The following TNFAIP8 variants were observed in gnomAD, a reference collection of about 807,000 sequenced individuals.
TNFAIP8 encodes the protein TNF alpha induced protein 8.
In TNFAIP8, 7 loss-of-function variants were observed where a neutral mutation model predicts 13.3. The ratio of observed to expected loss-of-function variants is 0.52; its 90% CI spans 0.30 to 0.99. TNFAIP8 has a LOEUF of 0.99. Ranked by LOEUF, TNFAIP8 falls within the 50% of genes least tolerant of loss-of-function variation. The pLI, the probability that TNFAIP8 is intolerant of heterozygous loss-of-function variation, is 0.07. For synonymous variants in TNFAIP8, 94 were observed against 87.6 expected (o/e 1.07, Z -0.41); for missense variants, 258 against 236.9 (o/e 1.09, Z -0.58).
intron 1 of TNFAIP8, among the ~76,000 whole-genome samples, chr5:119,331,871 C>T (rs1046705147): frequency 2.6e-5 from 4 of 152,188 alleles, no homozygotes; most frequent in African/African-American, 4.8e-5. Context: ...AGTATTTCTG[C>T]TCTTTGTAGC....
intron 1 of TNFAIP8, among the ~76,000 whole-genome samples, chr5:119,342,568 A>G (rs1034357822): frequency 3.3e-5 from 5 of 152,136 alleles, no homozygotes; most frequent in Non-Finnish European, 5.9e-5. Context: ...TACTCCCTTC[A>G]GGAAAATTTC....
chr5:119,331,129 A>G (rs1015996254), intron 1 of TNFAIP8, among the ~76,000 whole-genome samples: 8 of 152,190 alleles, frequency 5.3e-5, no homozygotes, highest in South Asian at 2.1e-4. Flanking sequence ...ACATTGGGCA[A>G]TCATCACAAT....
intron 1 of TNFAIP8, chr5:119,269,002 C>A: frequency 1.6e-6 from 1 of 624,582 alleles, no homozygotes; most frequent in South Asian, 1.8e-5. Context: ...GCCTCCGGCT[C>A]AGAGAGTTTC....
intron 1 of TNFAIP8, among the ~76,000 whole-genome samples, chr5:119,313,031 T>C (rs77433836): frequency 6.6e-6 from 1 of 152,102 alleles, no homozygotes; most frequent in East Asian, 1.9e-4. Context: ...GGCTTAATAT[T>C]AAGAAGGGTT....
intron 1 of TNFAIP8, among the ~76,000 whole-genome samples, chr5:119,373,531 T>C (rs1752166897): frequency 1.3e-5 from 2 of 152,156 alleles, no homozygotes; most frequent in Admixed American, 6.5e-5. Flanking sequence ...TGAGTAGTTT[T>C]CAGTCTAGAG....
At chr5:119,272,683 A>C (rs1330588468) in intron 1 of TNFAIP8, among the ~76,000 whole-genome samples, 1 of 152,238 alleles carries the variant, frequency 6.6e-6, no homozygotes, top group African/African-American at 2.4e-5. Context: ...AATAATACCC[A>C]GCCCATCCTT....
At chr5:119,353,803 A>G (rs946982459), upstream of TNFAIP8, among the ~76,000 whole-genome samples, 1 of 152,228 alleles carries the variant, frequency 6.6e-6, no homozygotes, top group African/African-American at 2.4e-5. Flanking sequence ...GGTACTTTCT[A>G]AAAGAAGAGA....
At chr5:119,333,639 A>G in intron 1 of TNFAIP8, 1 of 1,529,994 alleles carries the variant, frequency 6.5e-7, no homozygotes, top group Non-Finnish European at 8.8e-7. Flanking sequence ...TAGGTGAGTT[A>G]AAACGGCCTT....
At chr5:119,311,825 G>GTTT (rs1749742196) in intron 1 of TNFAIP8, among the ~76,000 whole-genome samples, 1 of 152,078 alleles carries the variant, frequency 6.6e-6, no homozygotes, top group South Asian at 2.1e-4. Flanking sequence ...CGTGAAGGAG[G>GTTT]GACAAAGCTC....
At chr5:119,368,366 CCT>C (rs1222324169) in intron 1 of TNFAIP8, among the ~76,000 whole-genome samples, 3 of 147,546 alleles carry the variant, frequency 2.0e-5, no homozygotes, top group African/African-American at 5.2e-5. Flanking sequence ...AATTTTCCCT[CCT>C]GTCTGTTAAA....
At chr5:119,346,783 C>A (rs1030733704) in intron 1 of TNFAIP8, among the ~76,000 whole-genome samples, 2 of 152,168 alleles carry the variant, frequency 1.3e-5, no homozygotes, top group Non-Finnish European at 2.9e-5. Flanking sequence ...GACAAAATAT[C>A]CTGCACACCT....
At chr5:119,299,841 T>C (rs1290634835) in intron 1 of TNFAIP8, among the ~76,000 whole-genome samples, 3 of 152,230 alleles carry the variant, frequency 2.0e-5, no homozygotes, top group Non-Finnish European at 4.4e-5. Flanking sequence ...GCCTCGCTGC[T>C]GCCTTGCAGT....
At chr5:119,328,337 C>T (rs754363279) in intron 1 of TNFAIP8, among the ~76,000 whole-genome samples, 10 of 149,540 alleles carry the variant, frequency 6.7e-5, no homozygotes, top group African/African-American at 1.8e-4. Context: ...AAACTTACTT[C>T]GCAAAAAAAA....
At chr5:119,325,588 C>T (rs949424665) in intron 1 of TNFAIP8, among the ~76,000 whole-genome samples, 1 of 152,236 alleles carries the variant, frequency 6.6e-6, no homozygotes, top group South Asian at 2.1e-4. Flanking sequence ...GCTGGGACTA[C>T]AGGCGTCCGC....
chr5:119,355,627 C>G (rs562579032), upstream of TNFAIP8: 34 of 481,434 alleles, frequency 7.1e-5, no homozygotes, highest in South Asian at 1.1e-3. Flanking sequence ...TTGGTTCTAC[C>G]CTATATGCAT....
In TNFAIP8 at chr5:119,392,976, C is replaced by T. The variant is rs1399797727; in HGVS notation, c.192C>T (p.Asn64=). The change falls in exon 2 of 2, where the codon AAC becomes AAT. Residue 64 remains asparagine, a synonymous_variant. Coordinates refer to ENST00000504771, the MANE Select transcript of TNFAIP8 (RefSeq NM_014350.4). ...GAGTGACCAGGGAGTACACCCAAAA[C>T]AAGAAGGAGGCAGAGAAGATCATCA... ...LYRVTREYTQ[N]KKEAEKIIKN... 6.2e-7 allele frequency: 1 copy of T among 1,612,354 alleles called. No homozygotes were observed. Among genetic ancestry groups the T allele is most frequent in the Admixed American group, 1.7e-5 (1 of 59,788 alleles).
chr5:119,389,008 G>C (rs960990834), intron 1 of TNFAIP8, among the ~76,000 whole-genome samples: 1 of 152,120 alleles, frequency 6.6e-6, no homozygotes, highest in African/African-American at 2.4e-5. Context: ...AAGGGGTTTG[G>C]ACTAGGCTGC....
intron 1 of TNFAIP8, among the ~76,000 whole-genome samples, chr5:119,301,510 T>C (rs1749392150): frequency 6.6e-6 from 1 of 152,190 alleles, no homozygotes; most frequent in South Asian, 2.1e-4. Context: ...CACACCTTGA[T>C]TATATGTGGT....
intron 1 of TNFAIP8, among the ~76,000 whole-genome samples, chr5:119,296,513 T>C (rs200134244): frequency 2.6e-5 from 4 of 152,154 alleles, no homozygotes; most frequent in African/African-American, 4.8e-5. Flanking sequence ...TGATGTGCTG[T>C]TGGATTTGGT....
Sources: allele counts gnomAD v4.1 joint callset (sites outside exome capture counted in the v4.1 genomes callset), GRCh38; gene constraint gnomAD v4.1.1; transcripts MANE v1.5; gene names NCBI Gene and HGNC (gene_info 2026-07-23, HGNC 2026-07-21).